C17orf107: variants seen among roughly 807,000 people sequenced by gnomAD.
The protein encoded by C17orf107 is uncharacterized protein C17orf107.
In C17orf107, 9 loss-of-function variants were observed where a neutral mutation model predicts 8.9. The observed-to-expected ratio is 1.02, with a 90% CI of 0.61 to 1.77. The LOEUF is 1.77. C17orf107 is among the 40% of genes most tolerant of loss of function. C17orf107 has a pLI of 0.00. For synonymous variants in C17orf107, 139 were observed against 120.3 expected (o/e 1.16, Z -1.02); for missense variants, 281 against 249.0 (o/e 1.13, Z -0.86).
Position 4,900,144 on chromosome 17 carries a change from A to T in C17orf107, c.275A>T (p.Glu92Val), listed in dbSNP as rs1969928492. Residue 92 changes from glutamate to valine, a missense_variant and splice_region_variant, in exon 2 of 3, where the codon GAG becomes GTG. Glu to Val is a moderately radical substitution (Grantham distance 121). Transcript: ENST00000381365. The stretch of plus-strand genomic sequence containing the variant: ...GTGAGCTTCGGCACCACCTTGTTAG[A>T]GGTGGGGTACTGGGGGGCTTAGGAT... Reference protein sequence around the residue: ...SLVSFGTTLLEISALWLQQEA... With the variant: ...SLVSFGTTLLVISALWLQQEA... 6.5e-7 allele frequency: 1 copy of T among 1,549,866 alleles called. No homozygotes were observed. Among genetic ancestry groups the T allele is most frequent in the Non-Finnish European group, 8.7e-7 (1 of 1,146,680 alleles).
chr17:4,901,462 G>T lies in C17orf107; in HGVS notation c.*929G>T. Reference sequence around the variant, plus strand: ...GTCGTTGGTCCGGGGCAAGCCCACCGTGGAAGTCCCCTCTCTGGACCCCGT... The same window carrying T: ...GTCGTTGGTCCGGGGCAAGCCCACCTTGGAAGTCCCCTCTCTGGACCCCGT... On this transcript the variant is annotated 3_prime_UTR_variant, in exon 3 of 3. Transcript: ENST00000381365. 1 of 1,492,772 alleles carries T rather than the reference G, an allele frequency of 6.7e-7. No individual in the cohort carries two copies. The highest frequency in any genetic ancestry group is 9.3e-7 in the Non-Finnish European group (1 of 1,069,918). 92.5% of individuals were successfully genotyped at this position (1,492,772 alleles called of 1,614,324 possible).
rs919271118 is a variant in C17orf107 at position 4,900,796 on chromosome 17, C to A, written c.*263C>A. On this transcript the variant is annotated 3_prime_UTR_variant, in exon 3 of 3. Transcript: ENST00000381365. ...CCCGCGGGGGCTCCGGCTTCACCTG[C>A]CCAGGAGCGGCACGCTCAGAGAAGT... 1.9e-6 allele frequency: 3 copies of A among 1,613,334 alleles called. No homozygotes were observed. Among genetic ancestry groups the A allele is most frequent in the Non-Finnish European group, 2.5e-6 (3 of 1,179,656 alleles).
chr17:4,902,684 C>T lies in C17orf107; in HGVS notation c.*2151C>T. 1 of 1,614,096 alleles carries T rather than the reference C, an allele frequency of 6.2e-7. No homozygotes were observed. Among genetic ancestry groups the T allele is most frequent in the Non-Finnish European group, 8.5e-7 (1 of 1,180,000 alleles). On this transcript the variant is annotated 3_prime_UTR_variant, in exon 3 of 3. Coordinates refer to ENST00000381365, the MANE Select transcript of C17orf107 (RefSeq NM_001145536.2). The surrounding 1 kb of genome is among the most constrained non-coding windows in gnomAD (Gnocchi z 4.0). ...TGGTGACAGTATCCTCAGGCTCCCG[C>T]ACTGGCCGGCTTCCTGGGTCATAGT...
chr17:4,906,233 G>C (rs1187852294), downstream of C17orf107, among the ~76,000 whole-genome samples: 1 of 152,130 alleles, frequency 6.6e-6, no homozygotes, highest in Non-Finnish European at 1.5e-5. Flanking sequence ...GCCTAAGACT[G>C]CCTTGTTTAG....
rs1064795871 is a variant in C17orf107, at chr17:4,901,999, G to A, written c.*1466G>A. On this transcript the variant is annotated 3_prime_UTR_variant, in exon 3 of 3. Coordinates refer to ENST00000381365, the MANE Select transcript of C17orf107 (RefSeq NM_001145536.2). ...GTGACCTCCACTGCGCAGACGCTGC[G>A]GTAGATGGCCGGAGGCAGCCACGTC... 1 of 1,614,114 alleles carries A rather than the reference G, an allele frequency of 6.2e-7. No individual in the cohort carries two copies. Among genetic ancestry groups the A allele is most frequent in the Admixed American group, 1.7e-5 (1 of 60,024 alleles).
chr17:4,901,342 G>T lies in C17orf107; in HGVS notation c.*809G>T. 1 of 976,420 alleles carries T rather than the reference G, an allele frequency of 1.0e-6. No individual in the cohort carries two copies. Among genetic ancestry groups the T allele is most frequent in the Non-Finnish European group, 1.6e-6 (1 of 633,610 alleles). 60.5% of individuals were successfully genotyped at this position (976,420 alleles called of 1,614,324 possible). On this transcript the variant is annotated 3_prime_UTR_variant, in exon 3 of 3. Transcript: ENST00000381365. ...GACAGAAAAGGGCATTCTCGTTGAG[G>T]GTATGGAAAGCCAGAAGGCAGGACT...
In C17orf107 at chr17:4,900,403, T is replaced by G; in HGVS notation, c.443T>G (p.Val148Gly). The G allele has an allele frequency of 6.4e-7, 1 of 1,550,730 alleles. No individual in the cohort carries two copies. Among genetic ancestry groups the G allele is most frequent in the Non-Finnish European group, 8.7e-7 (1 of 1,146,926 alleles). The change falls in exon 3 of 3, where the codon GTC (valine) becomes GGC (glycine). Residue 148 changes from valine to glycine, a missense_variant. Coordinates refer to ENST00000381365, the MANE Select transcript of C17orf107 (RefSeq NM_001145536.2). ...GTGGGCGCCAGCGCCCGGCTCCTAG[T>G]CCAGGGAGCATGGCTATGCCTGTGT... Reference protein sequence around the residue: ...AAVGASARLLVQGAWLCLCGR... With the variant: ...AAVGASARLLGQGAWLCLCGR...
rs958078989 is a variant in C17orf107, at chr17:4,902,050, C to A, written c.*1517C>A. On this transcript the variant is annotated 3_prime_UTR_variant, in exon 3 of 3. Coordinates refer to ENST00000381365, the MANE Select transcript of C17orf107 (RefSeq NM_001145536.2). The surrounding 1 kb of genome is among the most constrained non-coding windows in gnomAD (Gnocchi z 4.0). ...ACGGAGCCGCCCTCGTAGACGAGCACGTTGGCGTCGTAGGCCACTCCGAAC... is the reference window on the plus strand; with the variant it reads ...ACGGAGCCGCCCTCGTAGACGAGCAAGTTGGCGTCGTAGGCCACTCCGAAC... 2 of 1,613,990 alleles carry A rather than the reference C, an allele frequency of 1.2e-6. No individual in the cohort carries two copies. Among genetic ancestry groups the A allele is most frequent in the East Asian group, 2.2e-5 (1 of 44,886 alleles).
Position 4,902,107 on chromosome 17 carries a change from G to A in C17orf107, c.*1574G>A, listed in dbSNP as rs780779198. 22 of 1,613,610 alleles carry A rather than the reference G, an allele frequency of 1.4e-5. No homozygotes were observed. Among genetic ancestry groups the A allele is most frequent in the African/African-American group, 8.0e-5 (6 of 74,826 alleles). Reference sequence around the variant, plus strand: ...TCAATACTGTGGGCTCGGGGAAACCGAGCTTTTTGCACAGGTCTGCACCCT... The same window carrying A: ...TCAATACTGTGGGCTCGGGGAAACCAAGCTTTTTGCACAGGTCTGCACCCT... On this transcript the variant is annotated 3_prime_UTR_variant, in exon 3 of 3. Coordinates refer to ENST00000381365, the MANE Select transcript of C17orf107 (RefSeq NM_001145536.2). This position sits in a 1 kb window ranked among gnomAD's most constrained non-coding sequence, Gnocchi z 4.0.
At chr17:4,906,212 T>A (rs1970091011), downstream of C17orf107, among the ~76,000 whole-genome samples, 1 of 152,088 alleles carries the variant, frequency 6.6e-6, no homozygotes, top group Non-Finnish European at 1.5e-5. Context: ...TGAAGAAGGA[T>A]CATGGGGTTG....
At chr17:4,903,204 C>T, downstream of C17orf107, 2 of 841,452 alleles carry the variant, frequency 2.4e-6, no homozygotes, top group Non-Finnish European at 3.9e-6. Context: ...ACCCCTGCTG[C>T]AGCTGGGGAC....
Position 4,901,316 on chromosome 17 carries a change from G to T in C17orf107, c.*783G>T. The T allele has an allele frequency of 1.9e-6, 2 of 1,078,692 alleles. No homozygotes were observed. The highest frequency in any genetic ancestry group is 1.3e-5 in the South Asian group (1 of 74,626). 66.8% of individuals were successfully genotyped at this position (1,078,692 alleles called of 1,614,324 possible). On this transcript the variant is annotated 3_prime_UTR_variant, in exon 3 of 3. Transcript: ENST00000381365. The stretch of plus-strand genomic sequence containing the variant: ...GGGCCGTCAGGATGGGGGCAATTAC[G>T]GACAGAAAAGGGCATTCTCGTTGAG...
chr17:4,906,389 T>C (rs957548934), downstream of C17orf107, among the ~76,000 whole-genome samples: 2 of 152,094 alleles, frequency 1.3e-5, no homozygotes, highest in Non-Finnish European at 2.9e-5. Flanking sequence ...TATATACAAA[T>C]ATATGAAATA....
In C17orf107 at chr17:4,900,156, G is replaced by A. The variant is rs1481215014; in HGVS notation, c.276+11G>A. The A allele has an allele frequency of 2.8e-5, 44 of 1,548,234 alleles. No individual in the cohort carries two copies. Among genetic ancestry groups the A allele is most frequent in the Non-Finnish European group, 3.1e-5 (35 of 1,145,698 alleles). On this transcript the variant is annotated intron_variant, in intron 2 of 2. Coordinates refer to ENST00000381365, the MANE Select transcript of C17orf107 (RefSeq NM_001145536.2). ...ACCACCTTGTTAGAGGTGGGGTACT[G>A]GGGGGCTTAGGATACGCGGCGATCG...
At position 4,901,181 on chromosome 17, in the gene C17orf107, T is replaced by C; in HGVS notation, c.*648T>C. ...CCCCGGGCAGAAGTCGATGGCCCAC[T>C]CGCCGTTCTCTGCGGGACGGGGGCA... is the stretch of plus-strand genomic sequence containing the variant. On this transcript the variant is annotated 3_prime_UTR_variant, in exon 3 of 3. Coordinates refer to ENST00000381365, the MANE Select transcript of C17orf107 (RefSeq NM_001145536.2). 1 of 1,604,724 alleles carries C rather than the reference T, an allele frequency of 6.2e-7. No individual in the cohort carries two copies. The highest frequency in any genetic ancestry group is 8.5e-7 in the Non-Finnish European group (1 of 1,179,020).
In C17orf107 at chr17:4,900,182, G is replaced by T. The variant is rs1567637766; in HGVS notation, c.276+37G>T. On this transcript the variant is annotated intron_variant, in intron 2 of 2. Transcript: ENST00000381365. ...GGGGGCTTAGGATACGCGGCGATCG[G>T]GTAGCGGGAACAAGGACCTCTGCCT... The T allele has an allele frequency of 2.6e-6, 4 of 1,544,530 alleles. No homozygotes were observed. The South Asian group carries it at 4.8e-5, about 18-fold the overall frequency.
rs1567640247 is a variant in C17orf107 at position 4,902,694 on chromosome 17, C to A, written c.*2161C>A. The A allele has an allele frequency of 6.2e-7, 1 of 1,614,104 alleles. No homozygotes were observed. Among genetic ancestry groups the A allele is most frequent in the Non-Finnish European group, 8.5e-7 (1 of 1,180,018 alleles). ...ATCCTCAGGCTCCCGCACTGGCCGGCTTCCTGGGTCATAGTTGTTGAAGAG... is the reference window on the plus strand; with the variant it reads ...ATCCTCAGGCTCCCGCACTGGCCGGATTCCTGGGTCATAGTTGTTGAAGAG... On this transcript the variant is annotated 3_prime_UTR_variant, in exon 3 of 3. Coordinates refer to ENST00000381365, the MANE Select transcript of C17orf107 (RefSeq NM_001145536.2). The surrounding 1 kb of genome is among the most constrained non-coding windows in gnomAD (Gnocchi z 4.0).
Position 4,901,541 on chromosome 17 carries a change from G to A in C17orf107, c.*1008G>A, listed in dbSNP as rs954677814. ...GGGCTTCACCAGTATAGGCCTCTGT[G>A]TCGATGTCGATCTTGTTGATGGTCT... On this transcript the variant is annotated 3_prime_UTR_variant, in exon 3 of 3. Coordinates refer to ENST00000381365, the MANE Select transcript of C17orf107 (RefSeq NM_001145536.2). 2.5e-6 allele frequency: 4 copies of A among 1,614,054 alleles called. No individual in the cohort carries two copies. The Admixed American group carries it at 5.0e-5, about 20-fold the overall frequency.
At position 4,901,383 on chromosome 17, in the gene C17orf107, A is replaced by G. The variant is rs966107564; in HGVS notation, c.*850A>G. 1 of 963,752 alleles carries G rather than the reference A, an allele frequency of 1.0e-6. No homozygotes were observed. The highest frequency in any genetic ancestry group is 2.0e-5 in the Admixed American group (1 of 51,046). The allele number at this position is 963,752 out of a possible 1,614,324, so 59.7% of individuals were successfully genotyped here. A position where few individuals can be genotyped will look rare whatever the true frequency, so the allele number is the denominator to read the frequency against. ...AGGCAGGACTAGAGTAACAATCGAG[A>G]ATGATTTCAGGACAGGGGTAAGCTA... is the stretch of plus-strand genomic sequence containing the variant. On this transcript the variant is annotated 3_prime_UTR_variant, in exon 3 of 3. Coordinates refer to ENST00000381365, the MANE Select transcript of C17orf107 (RefSeq NM_001145536.2).
Sources: gnomAD v4.1 joint callset for allele counts (sites outside exome capture counted in the v4.1 genomes callset) on GRCh38, gnomAD v4.1.1 for gene constraint, Gnocchi (gnomAD v3.1) non-coding constraint, MANE v1.5 for transcripts, NCBI Gene and HGNC (gene_info 2026-07-23, HGNC 2026-07-21) for gene names.